The following CRLS1 variants were observed in gnomAD, a reference collection of about 807,000 sequenced individuals.
CRLS1 encodes cardiolipin synthase (CMP-forming).
A neutral mutation model predicts 37.0 loss-of-function variants in CRLS1; 24 were observed. That is an observed-to-expected ratio of 0.65 (90% confidence interval 0.47 to 0.91). The LOEUF (loss-of-function observed/expected upper bound fraction) is 0.91, where lower values mean the gene tolerates loss of function less well. Ranked by LOEUF, CRLS1 falls within the 40% of genes least tolerant of loss-of-function variation. The pLI, the probability that CRLS1 is intolerant of heterozygous loss-of-function variation, is 0.00. For synonymous variants in CRLS1, 135 were observed against 159.7 expected (o/e 0.85, Z 1.17); for missense variants, 373 against 395.8 (o/e 0.94, Z 0.49).
chr20:6,009,757 G>A lies in CRLS1; in HGVS notation c.307-18G>A, dbSNP rs760668407. Reference sequence around the variant, plus strand: ...ATTCATAGTATTTTACTTAAATTTTGTTGTCTTTGTGTTTCAGTATGAAAA... The same window carrying A: ...ATTCATAGTATTTTACTTAAATTTTATTGTCTTTGTGTTTCAGTATGAAAA... On this transcript the variant is annotated intron_variant, in intron 1 of 6. Transcript: ENST00000378863. 1.9e-6 allele frequency: 3 copies of A among 1,595,730 alleles called. No individual in the cohort carries two copies. The highest frequency in any genetic ancestry group is 2.3e-5 in the South Asian group (2 of 88,446).
intron 2 of CRLS1, among the ~76,000 whole-genome samples, chr20:6,013,042 C>T (rs912462811): frequency 1.3e-4 from 20 of 151,958 alleles, no homozygotes; most frequent in African/African-American, 4.8e-4. Context: ...TGACATTGGA[C>T]GTTCCTTTGA....
At chr20:6,012,553 T>A (rs879187925) in intron 2 of CRLS1, among the ~76,000 whole-genome samples, 4 of 152,188 alleles carry the variant, frequency 2.6e-5, no homozygotes, top group Non-Finnish European at 5.9e-5. Context: ...AAAATTCTCT[T>A]CTAAAACCAG....
intron 6 of CRLS1, among the ~76,000 whole-genome samples, chr20:6,036,556 T>C (rs535305886): frequency 6.6e-6 from 1 of 152,338 alleles, no homozygotes; most frequent in East Asian, 1.9e-4. Flanking sequence ...AATAAGAGTC[T>C]GGTACCCTGA....
chr20:6,030,374 T>A (rs951403717), intron 3 of CRLS1, among the ~76,000 whole-genome samples: 2 of 152,116 alleles, frequency 1.3e-5, no homozygotes, highest in African/African-American at 4.8e-5. Context: ...TTGCATTCAT[T>A]GAATGGGCAG....
intron 2 of CRLS1, among the ~76,000 whole-genome samples, chr20:6,011,029 A>G (rs914711494): frequency 6.6e-6 from 1 of 152,112 alleles, no homozygotes; most frequent in African/African-American, 2.4e-5. Context: ...AAAAAAAAAA[A>G]AAGGAAAAAC....
chr20:6,022,561 C>A lies in CRLS1; in HGVS notation c.574+7071C>A, dbSNP rs141789304. Among the ~76,000 whole-genome samples the A allele has an allele frequency of 1.6e-3, 251 of 152,144 alleles. 2 individuals are homozygous for A. The highest frequency in any genetic ancestry group is 5.6e-3 in the African/African-American group (232 of 41,500). ...GCCTGTTGCCCAGGCTGGTCTTGAA[C>A]TTTTGAGCTCAAGCAATCCACCCAC... On this transcript the variant is annotated intron_variant, in intron 3 of 6. Transcript: ENST00000378863.
intron 2 of CRLS1, among the ~76,000 whole-genome samples, chr20:6,013,130 T>A (rs551081637): frequency 2.0e-5 from 3 of 152,192 alleles, no homozygotes; most frequent in Admixed American, 1.3e-4. Context: ...TGGGGAATTA[T>A]ATCTATGTGT....
intron 1 of CRLS1, chr20:6,007,319 A>C: frequency 6.3e-7 from 1 of 1,596,678 alleles, no homozygotes; most frequent in Non-Finnish European, 8.5e-7. Context: ...TAGCTAAAGC[A>C]TGTTGGGGTT....
At chr20:6,033,585 T>A (rs907972814) in intron 5 of CRLS1, among the ~76,000 whole-genome samples, 1 of 152,138 alleles carries the variant, frequency 6.6e-6, no homozygotes, top group African/African-American at 2.4e-5. Flanking sequence ...GAGTCTCCAG[T>A]GTATTTCTTG....
intron 3 of CRLS1, among the ~76,000 whole-genome samples, chr20:6,018,534 C>A (rs757932000): frequency 2.0e-5 from 3 of 152,188 alleles, no homozygotes; most frequent in Non-Finnish European, 4.4e-5. Context: ...TAGCGTTTCA[C>A]TATTAAAGAT....
chr20:6,035,865 C>T (rs1449805632), intron 6 of CRLS1, among the ~76,000 whole-genome samples: 1 of 151,264 alleles, frequency 6.6e-6, no homozygotes, highest in African/African-American at 2.4e-5. Flanking sequence ...AGTGCAATGG[C>T]CTGATCTCAG....
At chr20:6,027,685 G>C (rs548158166) in intron 3 of CRLS1, among the ~76,000 whole-genome samples, 6 of 152,298 alleles carry the variant, frequency 3.9e-5, no homozygotes, top group African/African-American at 1.4e-4. Flanking sequence ...AAAGTGCTGG[G>C]ATTACAGGTG....
In CRLS1 at chr20:6,039,728, A is replaced by G. The variant is rs1980842842; in HGVS notation, c.*2570A>G. ...TACTGGATTACAGTGGGCCCCAATA[A>G]CTAGGTTTTTTTGTTAAAAAAAAAA... On this transcript the variant is annotated 3_prime_UTR_variant, in exon 7 of 7. Coordinates refer to ENST00000378863, the MANE Select transcript of CRLS1 (RefSeq NM_019095.6). 7.6e-6 allele frequency: 1 copy of G among 131,546 alleles called. No homozygotes were observed. The highest frequency in any genetic ancestry group is 1.6e-5 in the Non-Finnish European group (1 of 63,340). 8.1% of individuals were successfully genotyped at this position (131,546 alleles called of 1,614,324 possible). A position where few individuals can be genotyped will look rare whatever the true frequency, so the allele number is the denominator to read the frequency against.
intron 5 of CRLS1, among the ~76,000 whole-genome samples, chr20:6,033,598 C>T (rs977887592): frequency 3.9e-5 from 6 of 152,126 alleles, no homozygotes; most frequent in African/African-American, 9.7e-5. Context: ...ATTTCTTGTT[C>T]TATTTTCTTT....
At chr20:6,022,978 T>C (rs1049991696) in intron 3 of CRLS1, among the ~76,000 whole-genome samples, 4 of 152,228 alleles carry the variant, frequency 2.6e-5, no homozygotes, top group Non-Finnish European at 5.9e-5. Context: ...CTGGCTGTAC[T>C]AATGGGTTTA....
rs565636182 is a variant in CRLS1, at chr20:6,039,080, G to A, written c.*1922G>A. On this transcript the variant is annotated 3_prime_UTR_variant, in exon 7 of 7. Coordinates refer to ENST00000378863, the MANE Select transcript of CRLS1 (RefSeq NM_019095.6). ...TCACTGAATAGACTTAACCTTGACA[G>A]TAAGCTTAAAGCATTAGTGTCATTT... is the stretch of plus-strand genomic sequence containing the variant. The A allele has an allele frequency of 6.6e-6, 1 of 152,304 alleles. No individual in the cohort carries two copies. The highest frequency in any genetic ancestry group is 1.5e-5 in the Non-Finnish European group (1 of 68,026). The allele number at this position is 152,304 out of a possible 1,614,324, so 9.4% of individuals were successfully genotyped here. A position where few individuals can be genotyped will look rare whatever the true frequency, so the allele number is the denominator to read the frequency against.
intron 3 of CRLS1, among the ~76,000 whole-genome samples, chr20:6,024,790 C>T (rs1051610588): frequency 4.6e-5 from 7 of 152,148 alleles, no homozygotes; most frequent in African/African-American, 1.7e-4. Context: ...AGCAAAACAG[C>T]CTTATTGCTT....
intron 3 of CRLS1, chr20:6,026,245 TC>T (rs1979681385): frequency 6.6e-6 from 1 of 152,158 alleles, no homozygotes; most frequent in Admixed American, 6.6e-5. Context: ...TGAGGTAAGA[TC>T]CTCTACTAGC....
intron 1 of CRLS1, among the ~76,000 whole-genome samples, chr20:6,009,058 C>T (rs2090096914): frequency 6.6e-6 from 1 of 152,240 alleles, no homozygotes; most frequent in African/African-American, 2.4e-5. Flanking sequence ...GGCATGCTGG[C>T]TCACGCCTGT....
Sources: allele counts gnomAD v4.1 joint callset (sites outside exome capture counted in the v4.1 genomes callset), GRCh38; gene constraint gnomAD v4.1.1; transcripts MANE v1.5; gene names NCBI Gene and HGNC (gene_info 2026-07-23, HGNC 2026-07-21).